C7orf78: variants seen among roughly 807,000 people sequenced by gnomAD.
C7orf78 encodes putative uncharacterized protein C7orf78.
the C7orf78 span, among the ~76,000 whole-genome samples, chr7:12,499,664 A>G: frequency 0.27 from 40,989 of 151,054 alleles, 6,554 homozygotes; most frequent in East Asian, 0.51. Context: ...AACATTAGAC[A>G]GATCAAGGAA....
chr7:12,495,298 G>A, the C7orf78 span, among the ~76,000 whole-genome samples: 1 of 152,088 alleles, frequency 6.6e-6, no homozygotes, highest in Non-Finnish European at 1.5e-5. Flanking sequence ...TGGCTGTTTT[G>A]CACAGCTCTT....
chr7:12,523,508 A>G, the C7orf78 span: 1 of 396,290 alleles, frequency 2.5e-6, no homozygotes, highest in Non-Finnish European at 4.4e-6. Context: ...TCTTAATGAG[A>G]AAAACTATTA....
chr7:12,522,803 A>G, the C7orf78 span, among the ~76,000 whole-genome samples: 1 of 152,108 alleles, frequency 6.6e-6, no homozygotes, highest in Admixed American at 6.6e-5. Context: ...CTGAATAAAT[A>G]TTTGCAGCAA....
the C7orf78 span, among the ~76,000 whole-genome samples, chr7:12,530,837 C>G: frequency 7.9e-5 from 12 of 152,156 alleles, no homozygotes; most frequent in Non-Finnish European, 1.6e-4. Context: ...AAATTCTGCC[C>G]TAGTCACATA....
chr7:12,489,657 G>A, the C7orf78 span, among the ~76,000 whole-genome samples: 1 of 152,104 alleles, frequency 6.6e-6, no homozygotes, highest in Non-Finnish European at 1.5e-5. Context: ...CAGGAGGCTA[G>A]AGGGCAAGAC....
the C7orf78 span, among the ~76,000 whole-genome samples, chr7:12,510,089 G>A: frequency 6.6e-6 from 1 of 151,016 alleles, no homozygotes; most frequent in African/African-American, 2.4e-5. Flanking sequence ...TGGTTGACGG[G>A]TATTCTATTA....
the C7orf78 span, among the ~76,000 whole-genome samples, chr7:12,497,652 G>T: frequency 6.6e-6 from 1 of 152,092 alleles, no homozygotes; most frequent in Non-Finnish European, 1.5e-5. Context: ...CAGCGAGGCT[G>T]GGGGAGGGGC....
chr7:12,528,749 G>T, the C7orf78 span, among the ~76,000 whole-genome samples: 1 of 152,176 alleles, frequency 6.6e-6, no homozygotes, highest in Non-Finnish European at 1.5e-5. Flanking sequence ...CTGGCAGAAA[G>T]AATAAGAAAA....
chr7:12,497,481 TCGGGAAAA>T, the C7orf78 span, among the ~76,000 whole-genome samples: 1 of 6,042 alleles, frequency 1.7e-4, no homozygotes, highest in Non-Finnish European at 3.6e-4. Flanking sequence ...ACCTGGAGAA[TCGGGAAAA>T]TCGGGTCACT....
chr7:12,497,055 A>C, the C7orf78 span, among the ~76,000 whole-genome samples: 1 of 152,142 alleles, frequency 6.6e-6, no homozygotes, highest in African/African-American at 2.4e-5. Context: ...GACTCCAGCC[A>C]TTGTGGATCT....
chr7:12,526,329 T>G, the C7orf78 span, among the ~76,000 whole-genome samples: 1 of 152,122 alleles, frequency 6.6e-6, no homozygotes, highest in African/African-American at 2.4e-5. Flanking sequence ...CACTTAGTAA[T>G]GTATTAAAAA....
the C7orf78 span, among the ~76,000 whole-genome samples, chr7:12,486,273 G>C: frequency 6.6e-6 from 1 of 151,938 alleles, no homozygotes; most frequent in African/African-American, 2.4e-5. Context: ...ATTTGTATGA[G>C]TCCTAGAAGT....
At chr7:12,496,957 A>G in the C7orf78 span, among the ~76,000 whole-genome samples, 1 of 152,188 alleles carries the variant, frequency 6.6e-6, no homozygotes, top group Non-Finnish European at 1.5e-5. Context: ...TTGGCTTCTT[A>G]GTTTATAAAC....
the C7orf78 span, among the ~76,000 whole-genome samples, chr7:12,511,559 G>A: frequency 4.7e-4 from 71 of 151,976 alleles, 1 homozygote; most frequent in Non-Finnish European, 9.4e-4. Flanking sequence ...TCAGTGTTTT[G>A]TAGCTTTCCT....
the C7orf78 span, chr7:12,491,014 G>A: frequency 5.3e-5 from 8 of 152,008 alleles, no homozygotes; most frequent in Non-Finnish European, 1.0e-4. Flanking sequence ...GGTGCTGTAT[G>A]TTCCCATTTG....
At chr7:12,506,427 G>A in the C7orf78 span, among the ~76,000 whole-genome samples, 9 of 152,180 alleles carry the variant, frequency 5.9e-5, no homozygotes, top group African/African-American at 1.9e-4. Flanking sequence ...TAGAGAAAAT[G>A]TGGCACATAT....
the C7orf78 span, among the ~76,000 whole-genome samples, chr7:12,540,045 A>G: frequency 2.0e-5 from 3 of 152,214 alleles, no homozygotes; most frequent in African/African-American, 7.2e-5. Flanking sequence ...AGAACAGTCT[A>G]TGGGATTATT....
the C7orf78 span, chr7:12,506,203 A>G: frequency 6.6e-6 from 1 of 152,240 alleles, no homozygotes; most frequent in South Asian, 2.1e-4. Flanking sequence ...GGGAGTGTAA[A>G]TTAGTTCAAC....
chr7:12,541,244 G>T, the C7orf78 span: 1 of 152,134 alleles, frequency 6.6e-6, no homozygotes, highest in Non-Finnish European at 1.5e-5. Context: ...CTAGTCTCAG[G>T]TAAAGCTAAT....
Sources: gnomAD v4.1 joint callset for allele counts (sites outside exome capture counted in the v4.1 genomes callset) on GRCh38, gnomAD v4.1.1 for gene constraint, MANE v1.5 for transcripts, NCBI Gene and HGNC (gene_info 2026-07-23, HGNC 2026-07-21) for gene names.